The following KIF1C variants were observed in gnomAD, a reference collection of about 807,000 sequenced individuals.
The protein encoded by KIF1C is kinesin family member 1C.
Under a neutral mutation model 126.5 loss-of-function variants are expected in KIF1C, and 61 were observed. That is an observed-to-expected ratio of 0.48 (90% CI 0.39 to 0.60). KIF1C has a LOEUF of 0.60. Among genes scored for constraint, KIF1C ranks in the 20% least tolerant of loss-of-function variants. The pLI is 0.00. For missense variants in KIF1C, 1,315 were observed against 1,489.2 expected (o/e 0.88, Z 1.93); for synonymous variants, 640 against 580.6 (o/e 1.10, Z -1.47).
In KIF1C at chr17:5,028,247, C is replaced by T. The variant is rs143457523; in HGVS notation, c.*4096C>T. On this transcript the variant is annotated 3_prime_UTR_variant, in exon 23 of 23. Coordinates refer to ENST00000320785, the MANE Select transcript of KIF1C (RefSeq NM_006612.6). Reference sequence around the variant, plus strand: ...AAATTAATTTGCTTTTCTTCATTGTCTTTCTTTGGAGCTGCTTTCCTTTTG... The same window carrying T: ...AAATTAATTTGCTTTTCTTCATTGTTTTTCTTTGGAGCTGCTTTCCTTTTG... 1 of 152,124 alleles carries T rather than the reference C, an allele frequency of 6.6e-6. No individual in the cohort carries two copies. The allele number at this position is 152,124 out of a possible 1,614,324, so 9.4% of individuals were successfully genotyped here. A position where few individuals can be genotyped will look rare whatever the true frequency, so the allele number is the denominator to read the frequency against.
Position 5,004,950 on chromosome 17 carries a change from G to A in KIF1C, c.1115G>A (p.Arg372Gln), listed in dbSNP as rs367997542. ...AGAGAGCTGCAGGAGGAAGTAGCCC[G>A]GCTGCGGGAACTGCTGATGGCTCAG... ...LIRELQEEVA[R>Q]LRELLMAQGL... Residue 372 changes from arginine (R) to glutamine (Q), a missense_variant, in exon 13 of 23, where the codon CGG becomes CAG. By Grantham distance (43) the Arg-to-Gln change is conservative. Transcript: ENST00000320785. 28 of 1,614,108 alleles carry A rather than the reference G, an allele frequency of 1.7e-5. No individual in the cohort carries two copies. Among genetic ancestry groups the A allele is most frequent in the Admixed American group, 1.0e-4 (6 of 60,008 alleles).
chr17:5,001,036 G>A (rs1361115580), intron 4 of KIF1C, among the ~76,000 whole-genome samples, 186 bp from the exon 5 acceptor site: 1 of 152,092 alleles, frequency 6.6e-6, no homozygotes, highest in Admixed American at 6.5e-5. Context: ...GGAATCCCTT[G>A]GGGTAATTAG....
intron 18 of KIF1C, 91 bp downstream of exon 18, chr17:5,014,928 C>T (rs1053424945): frequency 4.3e-5 from 44 of 1,022,426 alleles, no homozygotes; most frequent in Non-Finnish European, 6.4e-5. Context: ...GGTTGGGCAC[C>T]AGGGAGTGCA....
intron 16 of KIF1C, among the ~76,000 whole-genome samples, chr17:5,010,394 G>A (rs763445908): frequency 1.3e-5 from 2 of 152,142 alleles, no homozygotes; most frequent in Non-Finnish European, 2.9e-5. Flanking sequence ...TTACAAATGG[G>A]TGTTATCTGT....
intron 16 of KIF1C, among the ~76,000 whole-genome samples, chr17:5,012,632 G>A (rs929702791): frequency 8.5e-5 from 13 of 152,076 alleles, no homozygotes; most frequent in East Asian, 1.9e-4. Flanking sequence ...TGGCCATAGC[G>A]AGGTGTGGGC....
intron 9 of KIF1C, 55 bp downstream of exon 9, chr17:5,003,744 G>A (rs1974661319): frequency 6.4e-7 from 1 of 1,568,800 alleles, no homozygotes; most frequent in African/African-American, 1.4e-5. Flanking sequence ...GGCTGTATGT[G>A]GAGGTCTCCA....
At position 5,022,410 on chromosome 17, in the gene KIF1C, C is replaced by A. The variant is rs1453502889; in HGVS notation, c.2329C>A (p.Leu777Ile). 1 of 1,579,566 alleles carries A rather than the reference C, an allele frequency of 6.3e-7. No individual in the cohort carries two copies. Among genetic ancestry groups the A allele is most frequent in the Non-Finnish European group, 8.6e-7 (1 of 1,161,704 alleles). ...GGCTGAGATTGAGGCCCTGGCCGCCCTCAAGATGCGGGAGCTGTGTCGCAC... is the reference window on the plus strand; with the variant it reads ...GGCTGAGATTGAGGCCCTGGCCGCCATCAAGATGCGGGAGCTGTGTCGCAC... Reference protein sequence around the residue: ...GRAEIEALAALKMRELCRTYG... With the variant: ...GRAEIEALAAIKMRELCRTYG... Residue 777 changes from leucine to isoleucine, a missense_variant, in exon 22 of 23, where the codon CTC becomes ATC. By Grantham distance (5) the Leu-to-Ile change is conservative. Coordinates refer to ENST00000320785, the MANE Select transcript of KIF1C (RefSeq NM_006612.6). The surrounding 1 kb of genome is among the most constrained non-coding windows in gnomAD (Gnocchi z 4.9).
rs1164107694 is a variant in KIF1C at position 5,020,869 on chromosome 17, G to A, written c.2001G>A (p.Gln667=). 6.3e-7 allele frequency: 1 copy of A among 1,578,790 alleles called. No homozygotes were observed. The highest frequency in any genetic ancestry group is 1.3e-5 in the African/African-American group (1 of 74,414). The change falls in exon 21 of 23, where the codon CAG becomes CAA. Residue 667 remains glutamine (Q), a synonymous_variant. Transcript: ENST00000320785. This position sits in a 1 kb window ranked among gnomAD's most constrained non-coding sequence, Gnocchi z 5.8. The part of the protein sequence containing the change: ...EKEEADLLLE[Q]QRLYADSDSG... ...AAGAAGCCGATCTTCTGCTGGAGCA[G>A]CAGCGACTGGTGAGGGGCAGCAGGG... is the stretch of plus-strand genomic sequence containing the variant.
intron 18 of KIF1C, among the ~76,000 whole-genome samples, chr17:5,015,065 C>T (rs1378869614): frequency 2.0e-5 from 3 of 152,188 alleles, no homozygotes; most frequent in African/African-American, 7.2e-5. Flanking sequence ...TGTGGTCAGG[C>T]ACTGGCGAGG....
chr17:5,015,744 C>T (rs997745444), intron 18 of KIF1C, among the ~76,000 whole-genome samples: 8 of 151,446 alleles, frequency 5.3e-5, no homozygotes, highest in African/African-American at 1.7e-4. Flanking sequence ...TACAGGCACG[C>T]GCCACCACAC....
intron 5 of KIF1C, 130 bp downstream of exon 5, chr17:5,001,531 A>T (rs1974592927): frequency 1.1e-6 from 1 of 919,748 alleles, no homozygotes; most frequent in Admixed American, 2.7e-5. Flanking sequence ...TGGGAGATAG[A>T]GGTTGACTGC....
In KIF1C at chr17:5,002,482, T is replaced by A. The variant is rs1371154380; in HGVS notation, c.448T>A (p.Tyr150Asn). 1 of 1,603,680 alleles carries A rather than the reference T, an allele frequency of 6.2e-7. No homozygotes were observed. The highest frequency in any genetic ancestry group is 1.1e-5 in the South Asian group (1 of 90,426). Residue 150 changes from tyrosine (Y) to asparagine (N), a missense_variant, in exon 7 of 23, where the codon TAC becomes AAC. By Grantham distance (143) the Tyr-to-Asn change is moderately radical (BLOSUM62 -2). Transcript: ENST00000320785. Reference protein sequence around the residue: ...YSVEVSYMEIYCERVRDLLNP... With the variant: ...YSVEVSYMEINCERVRDLLNP... ...CACTCAGGTGAGCTATATGGAGATCTACTGTGAGCGGGTACGAGACCTCTT... is the reference window on the plus strand; with the variant it reads ...CACTCAGGTGAGCTATATGGAGATCAACTGTGAGCGGGTACGAGACCTCTT...
intron 3 of KIF1C, 43 bp downstream of exon 3, chr17:5,000,395 GC>G: frequency 7.4e-7 from 1 of 1,360,452 alleles, no homozygotes; most frequent in Non-Finnish European, 1.0e-6. Flanking sequence ...GGCAGGGAAG[GC>G]CGGGCCCACC....
Position 5,002,769 on chromosome 17 carries a change from G to A in KIF1C, c.647G>A (p.Arg216His), listed in dbSNP as rs915801478. Residue 216 changes from arginine to histidine, a missense_variant, in exon 8 of 23, where the codon CGT becomes CAT. Physicochemically the swap from Arg to His is conservative, Grantham distance 29 (BLOSUM62 0). Around this residue, in one of 2 missense-constraint regions of KIF1C, gnomAD observed 874 missense variants for 1,053.2 expected, o/e 0.83. Coordinates refer to ENST00000320785, the MANE Select transcript of KIF1C (RefSeq NM_006612.6). ...ACCAACATGAATGAGACCAGCAGCCGTTCCCATGCCGTCTTTACCATCGTC... is the reference window on the plus strand; with the variant it reads ...ACCAACATGAATGAGACCAGCAGCCATTCCCATGCCGTCTTTACCATCGTC... ...AATNMNETSS[R>H]SHAVFTIVFT... The A allele has an allele frequency of 1.2e-6, 2 of 1,613,952 alleles. No homozygotes were observed. Among genetic ancestry groups the A allele is most frequent in the East Asian group, 2.2e-5 (1 of 44,852 alleles).
rs1195951323 is a variant in KIF1C, at chr17:5,023,530, G to A, written c.2691G>A (p.Glu897=). ...CCTGGGCCCCGCCTGAAGGATCAGA[G>A]GCAGCAGAGGAGGCAGCCCCCAGTG... ...EVPWAPPEGS[E]AAEEAAPSDR... The change falls in exon 23 of 23, where the codon GAG becomes GAA. Residue 897 remains glutamate (E), a synonymous_variant. Coordinates refer to ENST00000320785, the MANE Select transcript of KIF1C (RefSeq NM_006612.6). The surrounding 1 kb of genome is among the most constrained non-coding windows in gnomAD (Gnocchi z 4.2). 1 of 1,613,680 alleles carries A rather than the reference G, an allele frequency of 6.2e-7. No individual in the cohort carries two copies. The highest frequency in any genetic ancestry group is 1.1e-5 in the South Asian group (1 of 91,058).
rs1336789996 is a variant in KIF1C at position 5,004,924 on chromosome 17, T to C, written c.1089T>C (p.Ile363=). The change falls in exon 13 of 23, where the codon ATT becomes ATC. Residue 363 remains isoleucine (I), a synonymous_variant. Transcript: ENST00000320785. ...IINEDPNARL[I]RELQEEVARL... is the part of the protein sequence containing the mutation. ...ACGAGGACCCTAATGCCCGGCTGATTAGAGAGCTGCAGGAGGAAGTAGCCC... is the reference window on the plus strand; with the variant it reads ...ACGAGGACCCTAATGCCCGGCTGATCAGAGAGCTGCAGGAGGAAGTAGCCC... The C allele has an allele frequency of 2.5e-6, 4 of 1,614,182 alleles. No individual in the cohort carries two copies. Among genetic ancestry groups the C allele is most frequent in the African/African-American group, 1.3e-5 (1 of 75,050 alleles).
At position 5,028,294 on chromosome 17, in the gene KIF1C, G is replaced by C. The variant is rs988578690; in HGVS notation, c.*4143G>C. On this transcript the variant is annotated 3_prime_UTR_variant, in exon 23 of 23. Coordinates refer to ENST00000320785, the MANE Select transcript of KIF1C (RefSeq NM_006612.6). ...TTTGTTGGTTACTATTTTATTTTTA[G>C]CTTCTCACACCATACCGACATATGT... 6.6e-6 allele frequency: 1 copy of C among 151,974 alleles called. No homozygotes were observed. Among genetic ancestry groups the C allele is most frequent in the Admixed American group, 6.6e-5 (1 of 15,252 alleles). 9.4% of individuals were successfully genotyped at this position (151,974 alleles called of 1,614,324 possible).
chr17:5,021,093 A>T (rs1370243633), intron 21 of KIF1C, among the ~76,000 whole-genome samples: 2 of 148,648 alleles, frequency 1.3e-5, no homozygotes, highest in Non-Finnish European at 3.0e-5. Flanking sequence ...GCCTTCCCAT[A>T]CTCCAGTTTC....
At chr17:5,016,811 CAGG>C (rs957042948) in intron 18 of KIF1C, among the ~76,000 whole-genome samples, 2 of 150,042 alleles carry the variant, frequency 1.3e-5, no homozygotes, top group African/African-American at 2.5e-5. Context: ...GAGGCTGAGA[CAGG>C]AGAATTGCTT....
Sources: allele counts gnomAD v4.1 joint callset (sites outside exome capture counted in the v4.1 genomes callset), GRCh38; gene constraint gnomAD v4.1.1; regional missense constraint gnomAD v4.1.1; non-coding constraint Gnocchi (gnomAD v3.1); transcripts MANE v1.5; gene names NCBI Gene and HGNC (gene_info 2026-07-23, HGNC 2026-07-21).